The following COQ10A variants were observed in gnomAD, a reference collection of about 807,000 sequenced individuals.
The protein encoded by COQ10A is coenzyme Q-binding protein COQ10 homolog A, mitochondrial.
COQ10A carries 25 observed loss-of-function variants against 26.1 expected under a neutral mutation model. The observed-to-expected ratio is 0.96, with a 90% CI of 0.70 to 1.34. COQ10A has a LOEUF of 1.34. Among genes scored for constraint, COQ10A ranks in the 40% most tolerant of loss-of-function variants. The pLI, the probability that COQ10A is intolerant of heterozygous loss-of-function variation, is 0.00. For missense variants in COQ10A, 312 were observed against 335.4 expected (o/e 0.93, Z 0.54); for synonymous variants, 132 against 124.0 (o/e 1.06, Z -0.43).
rs577141100 is a variant in COQ10A, at chr12:56,270,540, A to G, written c.*223A>G. 16 of 530,896 alleles carry G rather than the reference A, an allele frequency of 3.0e-5. No homozygotes were observed. The highest frequency in any genetic ancestry group is 1.0e-4 in the South Asian group (4 of 39,508). The allele number at this position is 530,896 out of a possible 1,614,324, so 32.9% of individuals were successfully genotyped here. A position where few individuals can be genotyped will look rare whatever the true frequency, so the allele number is the denominator to read the frequency against. ...ATGTGCTTAGGAAAGGGTCAGGCCC[A>G]TCGTAGGAGCACCATATGCCTGCAG... On this transcript the variant is annotated 3_prime_UTR_variant, in exon 5 of 5. Coordinates refer to ENST00000308197, the MANE Select transcript of COQ10A (RefSeq NM_144576.4).
At position 56,270,196 on chromosome 12, in the gene COQ10A, T is replaced by C. The variant is rs1331099735; in HGVS notation, c.623T>C (p.Met208Thr). The change falls in exon 5 of 5, where the codon ATG becomes ACG. Residue 208 changes from methionine to threonine, a missense_variant. Transcript: ENST00000308197. ...RSLLHSQLATMFFDEVVKQNV... is the reference protein window; with the variant it reads ...RSLLHSQLATTFFDEVVKQNV... ...CTGCTGCACTCCCAGCTGGCCACCA[T>C]GTTTTTTGATGAGGTTGTCAAACAG... is the stretch of plus-strand genomic sequence containing the variant. 1.2e-5 allele frequency: 19 copies of C among 1,614,036 alleles called. No homozygotes were observed. Among genetic ancestry groups the C allele is most frequent in the Non-Finnish European group, 1.4e-5 (16 of 1,180,020 alleles).
In COQ10A at chr12:56,267,210, C is replaced by T. The variant is rs574732193; in HGVS notation, c.92C>T (p.Pro31Leu). The T allele has an allele frequency of 7.1e-5, 101 of 1,424,352 alleles. No homozygotes were observed. In the South Asian group the frequency reaches 1.4e-3, roughly 20 times the overall value. 88.2% of individuals were successfully genotyped at this position (1,424,352 alleles called of 1,614,324 possible). A position where few individuals can be genotyped will look rare whatever the true frequency, so the allele number is the denominator to read the frequency against. The change falls in exon 1 of 5, where the codon CCG becomes CTG. Residue 31 changes from proline (P) to leucine (L), a missense_variant. Coordinates refer to ENST00000308197, the MANE Select transcript of COQ10A (RefSeq NM_144576.4). ...CTCTCGCTCAGCCCGGGCGCGCAAC[C>T]GGCCCCGCCCCCAGGCCCTCTGCCA... Reference protein sequence around the residue: ...CRLSLSPGAQPAPPPGPLPPP... With the variant: ...CRLSLSPGAQLAPPPGPLPPP...
Position 56,270,259 on chromosome 12 carries a change from T to C in COQ10A, c.686T>C (p.Phe229Ser), listed in dbSNP as rs1319250595. 9 of 1,613,934 alleles carry C rather than the reference T, an allele frequency of 5.6e-6. No homozygotes were observed. The highest frequency in any genetic ancestry group is 7.6e-6 in the Non-Finnish European group (9 of 1,179,996). ...TTTGAGCGTCGGGCAGCCACCAAGT[T>C]TGGTCCAGAAACAGCCATCCCCCGT... ...AAFERRAATK[F>S]GPETAIPREL... The change falls in exon 5 of 5, where the codon TTT (phenylalanine) becomes TCT (serine). Residue 229 changes from phenylalanine (F) to serine (S), a missense_variant. Physicochemically the swap from Phe to Ser is radical, Grantham distance 155. Coordinates refer to ENST00000308197, the MANE Select transcript of COQ10A (RefSeq NM_144576.4).
intron 2 of COQ10A, 37 bp downstream of exon 2, chr12:56,267,977 T>C: frequency 6.2e-7 from 1 of 1,610,652 alleles, no homozygotes; most frequent in Non-Finnish European, 8.5e-7. Flanking sequence ...GCACCTCCCT[T>C]TTCCCTCCAA....
At chr12:56,267,754 G>T in intron 1 of COQ10A, 40 bp from the exon 2 acceptor site, 1 of 1,613,586 alleles carries the variant, frequency 6.2e-7, no homozygotes, top group Non-Finnish European at 8.5e-7. Flanking sequence ...AGAGGATTAC[G>T]AAGAACTATA....
chr12:56,269,043 A>C lies in COQ10A; in HGVS notation c.282-16A>C, dbSNP rs746698089. 1 of 1,609,468 alleles carries C rather than the reference A, an allele frequency of 6.2e-7. No homozygotes were observed. Among genetic ancestry groups the C allele is most frequent in the South Asian group, 1.1e-5 (1 of 90,962 alleles). On this transcript the variant is annotated splice_polypyrimidine_tract_variant and intron_variant, in intron 2 of 4. Transcript: ENST00000308197. ...CCAGCTGGCAGCTCCTTGGCCTGTG[A>C]TTCTTCTTCTCCTAGGTACTCAATG...
chr12:56,269,554 A>G lies in COQ10A; in HGVS notation c.569A>G (p.Asp190Gly), dbSNP rs768653212. ...GCCTATCCTCGAACCTGCACTGTGGACTTTTCGGTGAGTCAGGAGGTTGTG... is the reference window on the plus strand; with the variant it reads ...GCCTATCCTCGAACCTGCACTGTGGGCTTTTCGGTGAGTCAGGAGGTTGTG... ...IPAYPRTCTV[D>G]FSISFEFRSL... Residue 190 changes from aspartate (D) to glycine (G), a missense_variant, in exon 4 of 5, where the codon GAC becomes GGC. Physicochemically the swap from Asp to Gly is moderately conservative, Grantham distance 94. Coordinates refer to ENST00000308197, the MANE Select transcript of COQ10A (RefSeq NM_144576.4). 1.4e-5 allele frequency: 23 copies of G among 1,611,736 alleles called. No individual in the cohort carries two copies. In the South Asian group the frequency reaches 2.0e-4, roughly 14 times the overall value.
intron 1 of COQ10A, 24 bp downstream of exon 1, chr12:56,267,276 G>T (rs1872376062): frequency 6.3e-7 from 1 of 1,575,438 alleles, no homozygotes; most frequent in Non-Finnish European, 8.6e-7. Flanking sequence ...GACCGCGGCT[G>T]AGGGCAGGGG....
Position 56,269,176 on chromosome 12 carries a change from G to A in COQ10A, c.399G>A (p.Gln133=). Residue 133 remains glutamine, a synonymous_variant, in exon 3 of 5, where the codon CAG becomes CAA. Coordinates refer to ENST00000308197, the MANE Select transcript of COQ10A (RefSeq NM_144576.4). ...GCCGTAAGGGTCATTTGAAAGCCCA[G>A]CTGGAGGTTGGCTTTCCACCTGTCA... ...VSSRKGHLKA[Q]LEVGFPPVME... is the part of the protein sequence containing the mutation. 6.2e-7 allele frequency: 1 copy of A among 1,614,186 alleles called. No individual in the cohort carries two copies. Among genetic ancestry groups the A allele is most frequent in the Non-Finnish European group, 8.5e-7 (1 of 1,180,016 alleles).
In COQ10A at chr12:56,267,883, G is replaced by T. The variant is rs1480016307; in HGVS notation, c.224G>T (p.Gly75Val). 1.2e-6 allele frequency: 2 copies of T among 1,614,172 alleles called. No homozygotes were observed. Among genetic ancestry groups the T allele is most frequent in the Non-Finnish European group, 1.7e-6 (2 of 1,180,040 alleles). The change falls in exon 2 of 5, where the codon GGA (glycine) becomes GTA (valine). Residue 75 changes from glycine to valine, a missense_variant. By Grantham distance (109) the Gly-to-Val change is moderately radical. Coordinates refer to ENST00000308197, the MANE Select transcript of COQ10A (RefSeq NM_144576.4). ...TTACCTTCGAGCCGTTCCTTCATGGGATTTGCTGCTCCCTTCACCAACAAG... is the reference window on the plus strand; with the variant it reads ...TTACCTTCGAGCCGTTCCTTCATGGTATTTGCTGCTCCCTTCACCAACAAG... ...AGLPSSRSFM[G>V]FAAPFTNKRK...
intron 1 of COQ10A, 154 bp from the exon 2 acceptor site, chr12:56,267,640 T>TG: frequency 1.6e-6 from 2 of 1,241,348 alleles, no homozygotes; most frequent in Admixed American, 3.5e-5. Context: ...CGTGACTCCC[T>TG]GGCCAGAGAG....
Position 56,269,462 on chromosome 12 carries a change from T to C in COQ10A, c.477T>C (p.Ala159=). 3 of 1,612,884 alleles carry C rather than the reference T, an allele frequency of 1.9e-6. No individual in the cohort carries two copies. The change falls in exon 4 of 5, where the codon GCT becomes GCC. Residue 159 remains alanine (A), a splice_region_variant and synonymous_variant. Transcript: ENST00000308197. ...ACTACCTGATTACCCTATTCTAGGC[T>C]GTTTGTACTGATGGCAAGCTCTTCA... ...VSMVKPHMVK[A]VCTDGKLFNH...
In COQ10A at chr12:56,269,267, G is replaced by A; in HGVS notation, c.474+16G>A. 6.2e-7 allele frequency: 1 copy of A among 1,607,112 alleles called. No individual in the cohort carries two copies. On this transcript the variant is annotated intron_variant, in intron 3 of 4. Coordinates refer to ENST00000308197, the MANE Select transcript of COQ10A (RefSeq NM_144576.4). ...CATGGTCAAGGTGAGGCCTGTATGGGAGGGATTGACAAGATTTTTTGTTTT... is the reference window on the plus strand; with the variant it reads ...CATGGTCAAGGTGAGGCCTGTATGGAAGGGATTGACAAGATTTTTTGTTTT...
rs749242474 is a variant in COQ10A, at chr12:56,267,870, C to G, written c.211C>G (p.Arg71Gly). 1.9e-6 allele frequency: 3 copies of G among 1,614,076 alleles called. No homozygotes were observed. Among genetic ancestry groups the G allele is most frequent in the Non-Finnish European group, 2.5e-6 (3 of 1,180,044 alleles). Residue 71 changes from arginine to glycine, a missense_variant, in exon 2 of 5, where the codon CGT becomes GGT. Physicochemically the swap from Arg to Gly is moderately radical, Grantham distance 125 (BLOSUM62 -2). Coordinates refer to ENST00000308197, the MANE Select transcript of COQ10A (RefSeq NM_144576.4). ...GGCTGAGGCTGGCTTACCTTCGAGC[C>G]GTTCCTTCATGGGATTTGCTGCTCC... Reference protein sequence around the residue: ...LAAEAGLPSSRSFMGFAAPFT... With the variant: ...LAAEAGLPSSGSFMGFAAPFT...
chr12:56,270,456 G>GAGA lies in COQ10A; in HGVS notation c.*139_*140insAGA. 4.4e-6 allele frequency: 4 copies of GAGA among 912,308 alleles called. No individual in the cohort carries two copies. The highest frequency in any genetic ancestry group is 6.5e-6 in the Non-Finnish European group (4 of 614,412). 56.5% of individuals were successfully genotyped at this position (912,308 alleles called of 1,614,324 possible). On this transcript the variant is annotated 3_prime_UTR_variant, in exon 5 of 5. Coordinates refer to ENST00000308197, the MANE Select transcript of COQ10A (RefSeq NM_144576.4). Reference sequence around the variant, plus strand: ...TTCTCCTCTCAATTTCCCAGAAATTGGGTTCTATGCTGGCTGGAAATGTTG... The same window carrying GAGA: ...TTCTCCTCTCAATTTCCCAGAAATTGAGAGGTTCTATGCTGGCTGGAAATGTTG...
intron 1 of COQ10A, 83 bp from the exon 2 acceptor site, chr12:56,267,711 A>G (rs1872392092): frequency 1.3e-6 from 2 of 1,574,166 alleles, no homozygotes; most frequent in Admixed American, 3.3e-5. Flanking sequence ...TTCGTCTGGG[A>G]TGCACTCTTC....
rs1197731969 is a variant in COQ10A, at chr12:56,266,955, C to A, written c.-164C>A. On this transcript the variant is annotated 5_prime_UTR_variant, in exon 1 of 5. Coordinates refer to ENST00000308197, the MANE Select transcript of COQ10A (RefSeq NM_144576.4). ...GGTCCCGGCTTCAGTTCTAGCCTACCCGGCAGCCTGGACGGGAGCAAGGCG... is the reference window on the plus strand; with the variant it reads ...GGTCCCGGCTTCAGTTCTAGCCTACACGGCAGCCTGGACGGGAGCAAGGCG... 1 of 654,718 alleles carries A rather than the reference C, an allele frequency of 1.5e-6. No individual in the cohort carries two copies. Among genetic ancestry groups the A allele is most frequent in the Non-Finnish European group, 2.1e-6 (1 of 474,774 alleles). 40.6% of individuals were successfully genotyped at this position (654,718 alleles called of 1,614,324 possible).
At position 56,270,472 on chromosome 12, in the gene COQ10A, G is replaced by A. The variant is rs1872485860; in HGVS notation, c.*155G>A. On this transcript the variant is annotated 3_prime_UTR_variant, in exon 5 of 5. Transcript: ENST00000308197. Reference sequence around the variant, plus strand: ...CCAGAAATTGGGTTCTATGCTGGCTGGAAATGTTGGGGGAAAGAGAAGGCA... The same window carrying A: ...CCAGAAATTGGGTTCTATGCTGGCTAGAAATGTTGGGGGAAAGAGAAGGCA... 2.6e-6 allele frequency: 2 copies of A among 768,068 alleles called. No homozygotes were observed. Among genetic ancestry groups the A allele is most frequent in the Admixed American group, 3.0e-5 (1 of 33,294 alleles). 47.6% of individuals were successfully genotyped at this position (768,068 alleles called of 1,614,324 possible). A position where few individuals can be genotyped will look rare whatever the true frequency, so the allele number is the denominator to read the frequency against.
At chr12:56,269,344 G>C in intron 3 of COQ10A, 93 bp downstream of exon 3, 1 of 1,467,322 alleles carries the variant, frequency 6.8e-7, no homozygotes, top group Non-Finnish European at 9.5e-7. Flanking sequence ...AGTACTTTAT[G>C]TCCATGTGTC....
Sources: gnomAD v4.1 joint callset for allele counts on GRCh38, gnomAD v4.1.1 for gene constraint, MANE v1.5 for transcripts, NCBI Gene and HGNC (gene_info 2026-07-23, HGNC 2026-07-21) for gene names.